NAPG: variants seen among roughly 807,000 people sequenced by gnomAD.
NAPG encodes gamma-soluble NSF attachment protein.
NAPG carries 25 observed loss-of-function variants against 48.4 expected under a neutral mutation model. That is an observed-to-expected ratio of 0.52 (90% CI 0.38 to 0.72). The LOEUF (loss-of-function observed/expected upper bound fraction) is 0.72, where lower values mean the gene tolerates loss of function less well. Ranked by LOEUF, NAPG falls within the 30% of genes least tolerant of loss-of-function variation. The pLI, the probability that NAPG is intolerant of heterozygous loss-of-function variation, is 0.00. For missense variants in NAPG, 359 were observed against 372.5 expected (o/e 0.96, Z 0.30); for synonymous variants, 139 against 127.2 (o/e 1.09, Z -0.62).
At chr18:10,538,573 T>C (rs1230887166) in intron 5 of NAPG, among the ~76,000 whole-genome samples, 2 of 152,198 alleles carry the variant, frequency 1.3e-5, no homozygotes, top group African/African-American at 4.8e-5. Flanking sequence ...AAGAAGTGCT[T>C]AGAAAACAGT....
intron 5 of NAPG, among the ~76,000 whole-genome samples, chr18:10,536,404 G>A (rs2032033598): frequency 6.6e-6 from 1 of 152,152 alleles, no homozygotes; most frequent in South Asian, 2.1e-4. Context: ...CTTGGGGAGT[G>A]CCATTTTGTA....
chr18:10,548,084 C>A lies in NAPG; in HGVS notation c.586-215C>A, dbSNP rs527769317. On this transcript the variant is annotated intron_variant, in intron 9 of 11. Coordinates refer to ENST00000322897, the MANE Select transcript of NAPG (RefSeq NM_003826.3). This position sits in a 1 kb window ranked among gnomAD's most constrained non-coding sequence, Gnocchi z 4.4. ...GAAATGGGTGAATCCCAGGCTTGCC[C>A]CTAGCAGCCAAATTCCAGGACATGA... 6.6e-6 allele frequency among the ~76,000 whole-genome samples: 1 copy of A among 152,150 alleles called. No individual in the cohort carries two copies. Among genetic ancestry groups the A allele is most frequent in the Non-Finnish European group, 1.5e-5 (1 of 68,026 alleles).
intron 1 of NAPG, among the ~76,000 whole-genome samples, chr18:10,528,568 T>C (rs1234898659): frequency 6.6e-6 from 1 of 152,188 alleles, no homozygotes; most frequent in Non-Finnish European, 1.5e-5. Context: ...GAGGTGGTGA[T>C]GGCCTGAATT....
At chr18:10,530,645 A>G (rs2031910244) in intron 1 of NAPG, 125 bp from the exon 2 acceptor site, 1 of 547,438 alleles carries the variant, frequency 1.8e-6, no homozygotes, top group East Asian at 3.4e-5. Flanking sequence ...GGTGACACAG[A>G]GTTTGTGCCT....
intron 1 of NAPG, among the ~76,000 whole-genome samples, chr18:10,527,814 T>C (rs897104497): frequency 1.3e-5 from 2 of 152,174 alleles, no homozygotes; most frequent in Admixed American, 6.5e-5. Context: ...GGGGCCAGAC[T>C]GTGAAGGGAC....
chr18:10,540,239 T>G (rs2032123493), intron 7 of NAPG, 90 bp from the exon 8 acceptor site: 4 of 1,196,514 alleles, frequency 3.3e-6, no homozygotes, highest in Non-Finnish European at 4.9e-6. Flanking sequence ...CTTGATCCAG[T>G]GCCATTACTT....
intron 1 of NAPG, among the ~76,000 whole-genome samples, chr18:10,528,949 C>G (rs987947844): frequency 1.3e-5 from 2 of 152,140 alleles, no homozygotes; most frequent in East Asian, 3.9e-4. Context: ...AAATTGATCC[C>G]CACACAGATG....
At position 10,543,171 on chromosome 18, in the gene NAPG, C is replaced by G. The variant is rs1478570511; in HGVS notation, c.506+2772C>G. On this transcript the variant is annotated intron_variant, in intron 8 of 11. Transcript: ENST00000322897. This position sits in a 1 kb window ranked among gnomAD's most constrained non-coding sequence, Gnocchi z 4.4. ...AAAAAGAAAAGAAAAGAAAAAAAGA[C>G]CTTTCCAGCAAGTTGATCATGACCT... 6.6e-6 allele frequency among the ~76,000 whole-genome samples: 1 copy of G among 151,642 alleles called. No homozygotes were observed. Among genetic ancestry groups the G allele is most frequent in the Non-Finnish European group, 1.5e-5 (1 of 67,924 alleles).
In NAPG at chr18:10,548,963, G is replaced by A. The variant is rs769195494; in HGVS notation, c.666-4G>A. The A allele has an allele frequency of 7.2e-5, 116 of 1,612,594 alleles. No individual in the cohort carries two copies. The highest frequency in any genetic ancestry group is 6.6e-4 in the Middle Eastern group (4 of 6,080). On this transcript the variant is annotated splice_polypyrimidine_tract_variant and splice_region_variant and intron_variant, in intron 10 of 11. Transcript: ENST00000322897. The surrounding 1 kb of genome is among the most constrained non-coding windows in gnomAD (Gnocchi z 4.4). The stretch of plus-strand genomic sequence containing the variant: ...TGAAGACGTGTGATTTGTGCTTACT[G>A]CAGCATCCCTGGGTTCAATGGCAGT...
chr18:10,526,151 G>A lies in NAPG; in HGVS notation c.49G>A (p.Glu17Lys). 6.3e-7 allele frequency: 1 copy of A among 1,591,454 alleles called. No homozygotes were observed. Residue 17 changes from glutamate to lysine, a missense_variant, in exon 1 of 12, where the codon GAG (glutamate) becomes AAG (lysine). Coordinates refer to ENST00000322897, the MANE Select transcript of NAPG (RefSeq NM_003826.3). ...GGGGCTGGAACACCTCGCCAAAGCA[G>A]AGAAATAGTGAGTGAGAACCTTCCG... is the stretch of plus-strand genomic sequence containing the variant. Reference protein sequence around the residue: ...NEGLEHLAKAEKYLKTGFLKW... With the variant: ...NEGLEHLAKAKKYLKTGFLKW...
intron 1 of NAPG, among the ~76,000 whole-genome samples, chr18:10,528,419 A>G (rs953669256): frequency 3.3e-5 from 5 of 152,214 alleles, no homozygotes; most frequent in Non-Finnish European, 7.3e-5. Flanking sequence ...CTAGAATAGA[A>G]GTATTCAGTG....
chr18:10,544,896 C>T lies in NAPG; in HGVS notation c.507-1430C>T, dbSNP rs185775479. Among the ~76,000 whole-genome samples, 3 of 152,238 alleles carry T rather than the reference C, an allele frequency of 2.0e-5. No homozygotes were observed. The East Asian group carries it at 5.8e-4, about 29-fold the overall frequency. On this transcript the variant is annotated intron_variant, in intron 8 of 11. Transcript: ENST00000322897. The surrounding 1 kb of genome is among the most constrained non-coding windows in gnomAD (Gnocchi z 5.1). Reference sequence around the variant, plus strand: ...GTCATTTTATAAGGCACTAAGTTGCCAGCGTGCATCCCATAAAGATTCAGT... The same window carrying T: ...GTCATTTTATAAGGCACTAAGTTGCTAGCGTGCATCCCATAAAGATTCAGT...
chr18:10,531,839 G>T (rs1680216505), intron 2 of NAPG, among the ~76,000 whole-genome samples: 1 of 152,118 alleles, frequency 6.6e-6, no homozygotes, highest in Non-Finnish European at 1.5e-5. Context: ...TGTTTTAGAT[G>T]AAATTTTCCC....
Position 10,550,534 on chromosome 18 carries a change from G to A in NAPG, c.*314G>A, listed in dbSNP as rs1031234902. 4.7e-6 allele frequency: 1 copy of A among 215,018 alleles called. No homozygotes were observed. Among genetic ancestry groups the A allele is most frequent in the African/African-American group, 2.4e-5 (1 of 42,304 alleles). 13.3% of individuals were successfully genotyped at this position (215,018 alleles called of 1,614,324 possible). A position where few individuals can be genotyped will look rare whatever the true frequency, so the allele number is the denominator to read the frequency against. The stretch of plus-strand genomic sequence containing the variant: ...TACATAAATTATGTTCTAAACAAAA[G>A]GGGTAATAAGCATAGGTATTCTCTC... On this transcript the variant is annotated 3_prime_UTR_variant, in exon 12 of 12. Transcript: ENST00000322897.
chr18:10,532,090 CAT>C (rs2031938846), intron 2 of NAPG, among the ~76,000 whole-genome samples: 1 of 152,086 alleles, frequency 6.6e-6, no homozygotes. Flanking sequence ...TTTGTAAGAT[CAT>C]ATGTTATAAG....
chr18:10,536,065 C>CT, intron 5 of NAPG, among the ~76,000 whole-genome samples: 1 of 152,190 alleles, frequency 6.6e-6, no homozygotes, highest in Non-Finnish European at 1.5e-5. Flanking sequence ...CTCAAACACT[C>CT]TAATTCTCAC....
chr18:10,527,019 T>A (rs556645630), intron 1 of NAPG, among the ~76,000 whole-genome samples: 2 of 151,608 alleles, frequency 1.3e-5, no homozygotes, highest in Non-Finnish European at 2.9e-5. Flanking sequence ...GAAAACCGTC[T>A]CTACTAAAAA....
At position 10,539,838 on chromosome 18, in the gene NAPG, A is replaced by T; in HGVS notation, c.335A>T (p.Asp112Val). ...ATGTATCTAGAAAACGGCACCCCAG[A>T]CACAGCAGCCATGGCTTTGGAGCGA... ...SMMYLENGTP[D>V]TAAMALERAG... is the part of the protein sequence containing the mutation. The change falls in exon 6 of 12, where the codon GAC becomes GTC. Residue 112 changes from aspartate (D) to valine (V), a missense_variant. Coordinates refer to ENST00000322897, the MANE Select transcript of NAPG (RefSeq NM_003826.3). The surrounding 1 kb of genome is among the most constrained non-coding windows in gnomAD (Gnocchi z 4.7). The T allele has an allele frequency of 6.2e-7, 1 of 1,614,022 alleles. No individual in the cohort carries two copies. Among genetic ancestry groups the T allele is most frequent in the Non-Finnish European group, 8.5e-7 (1 of 1,179,894 alleles).
chr18:10,537,620 T>G (rs903343436), intron 5 of NAPG, among the ~76,000 whole-genome samples: 3 of 152,192 alleles, frequency 2.0e-5, no homozygotes, highest in African/African-American at 7.2e-5. Context: ...AAAGCCAAAA[T>G]GACCCTCAGG....
Sources: gnomAD v4.1 joint callset for allele counts (sites outside exome capture counted in the v4.1 genomes callset) on GRCh38, gnomAD v4.1.1 for gene constraint, Gnocchi (gnomAD v3.1) non-coding constraint, MANE v1.5 for transcripts, NCBI Gene and HGNC (gene_info 2026-07-23, HGNC 2026-07-21) for gene names.